The following NRXN1 variants were observed in gnomAD, a reference collection of about 807,000 sequenced individuals.
NRXN1 encodes the protein neurexin-1.
In NRXN1, 39 loss-of-function variants were observed where a neutral mutation model predicts 150.9. The ratio of observed to expected loss-of-function variants is 0.26; its 90% CI spans 0.20 to 0.34. The LOEUF (loss-of-function observed/expected upper bound fraction) is 0.34, where lower values mean the gene tolerates loss of function less well. Ranked by LOEUF, NRXN1 falls within the 10% of genes least tolerant of loss-of-function variation. The pLI is 1.00. For missense variants in NRXN1, 1,815 were observed against 1,949.9 expected (o/e 0.93, Z 1.30); for synonymous variants, 924 against 757.0 (o/e 1.22, Z -3.62).
chr2:50,606,267 A>AT, intron 8 of NRXN1, among the ~76,000 whole-genome samples: 1 of 151,296 alleles, frequency 6.6e-6, no homozygotes, highest in Non-Finnish European at 1.5e-5. Context: ...AAAAAAAAAA[A>AT]AAAAGAAGGA....
chr2:50,245,626 T>C (rs2066427355), intron 17 of NRXN1, among the ~76,000 whole-genome samples: 1 of 151,882 alleles, frequency 6.6e-6, no homozygotes, highest in Non-Finnish European at 1.5e-5. Flanking sequence ...TCGGTAGAAG[T>C]TGTAGTTGCC....
intron 2 of NRXN1, among the ~76,000 whole-genome samples, chr2:50,993,062 G>A (rs1698767214): frequency 6.6e-6 from 1 of 151,912 alleles, no homozygotes; most frequent in African/African-American, 2.4e-5. Context: ...GACATACAAA[G>A]AGTAGAATAA....
chr2:50,268,274 GAGA>G (rs1054328697), intron 17 of NRXN1, among the ~76,000 whole-genome samples: 6 of 152,150 alleles, frequency 3.9e-5, no homozygotes, highest in African/African-American at 1.4e-4. Context: ...GAATAAGAAA[GAGA>G]AGAAGCCAAT....
At chr2:50,246,559 G>A (rs7578867) in intron 17 of NRXN1, among the ~76,000 whole-genome samples, 86,493 of 151,610 alleles carry the variant, frequency 0.57, 25,179 homozygotes, top group African/African-American at 0.67. Flanking sequence ...CTAGGCCCTC[G>A]TCAAAACCAT....
intron 22 of NRXN1, among the ~76,000 whole-genome samples, chr2:49,924,434 T>C (rs2104040384): frequency 6.6e-6 from 1 of 152,310 alleles, no homozygotes; most frequent in Non-Finnish European, 1.5e-5. Context: ...GGAATTGATA[T>C]CGTAAATGGA....
chr2:50,061,487 T>C (rs1326713249), intron 19 of NRXN1, among the ~76,000 whole-genome samples: 1 of 152,180 alleles, frequency 6.6e-6, no homozygotes, highest in Admixed American at 6.5e-5. Context: ...CAAAACAAAG[T>C]TGAATCTTTC....
intron 8 of NRXN1, among the ~76,000 whole-genome samples, chr2:50,592,338 G>T (rs972565405): frequency 4.6e-5 from 7 of 152,358 alleles, no homozygotes; most frequent in Admixed American, 4.6e-4. Flanking sequence ...AACAGCCTGA[G>T]TAATAATAAA....
chr2:50,063,450 C>T (rs765406833), intron 19 of NRXN1, among the ~76,000 whole-genome samples: 43 of 151,344 alleles, frequency 2.8e-4, no homozygotes, highest in Non-Finnish European at 5.2e-4. Flanking sequence ...TTTTTCAATT[C>T]CTTTAGCTAA....
chr2:50,119,403 A>G lies in NRXN1; in HGVS notation c.3547-27909T>C, dbSNP rs186050483. Among the ~76,000 whole-genome samples, 34 of 152,268 alleles carry G rather than the reference A, an allele frequency of 2.2e-4. 1 individual carries two copies. In the East Asian group the frequency reaches 6.2e-3, roughly 28 times the overall value. The stretch of plus-strand genomic sequence containing the variant: ...TGTAAGGAGATACGTAAGTGTGGAT[A>G]TAGATTCTTCTAAAATGTCCTAAAA... On this transcript the variant is annotated intron_variant, in intron 18 of 22. Transcript: ENST00000401669.
rs548792604 is a variant in NRXN1, at chr2:50,807,009, A to G, written c.832+114860T>C. 5.3e-5 allele frequency among the ~76,000 whole-genome samples: 8 copies of G among 152,256 alleles called. No homozygotes were observed. The South Asian group carries it at 1.2e-3, about 24-fold the overall frequency. On this transcript the variant is annotated intron_variant, in intron 5 of 22. Transcript: ENST00000401669. ...TTGTGATTAATTTATTTTGCTTTATAAGAGGAATTCTGGGGGTAGCATACA... is the reference window on the plus strand; with the variant it reads ...TTGTGATTAATTTATTTTGCTTTATGAGAGGAATTCTGGGGGTAGCATACA...
intron 8 of NRXN1, among the ~76,000 whole-genome samples, chr2:50,593,045 C>T (rs1172681932): frequency 6.6e-6 from 1 of 152,186 alleles, no homozygotes; most frequent in Non-Finnish European, 1.5e-5. Flanking sequence ...CTTTCCTCTC[C>T]CTTCACCTTG....
intron 17 of NRXN1, among the ~76,000 whole-genome samples, chr2:50,424,081 G>A (rs568133031): frequency 1.4e-5 from 2 of 147,462 alleles, no homozygotes; most frequent in Non-Finnish European, 3.0e-5. Context: ...CTGAGCAAGA[G>A]AGCACCATGA....
intron 5 of NRXN1, among the ~76,000 whole-genome samples, chr2:50,780,562 T>G (rs539262075): frequency 1.1e-4 from 16 of 152,202 alleles, no homozygotes; most frequent in Non-Finnish European, 2.2e-4. Context: ...AATTCTAGGA[T>G]TCCAGTTACT....
intron 8 of NRXN1, among the ~76,000 whole-genome samples, chr2:50,555,239 T>G (rs1403239511): frequency 6.6e-6 from 1 of 152,170 alleles, no homozygotes; most frequent in Non-Finnish European, 1.5e-5. Flanking sequence ...CTAACACTCA[T>G]TCTTATAATA....
chr2:50,794,707 T>A (rs1040376260), intron 5 of NRXN1, among the ~76,000 whole-genome samples: 5 of 152,190 alleles, frequency 3.3e-5, no homozygotes, highest in Non-Finnish European at 5.9e-5. Flanking sequence ...AAAGTATGCA[T>A]ATTTTTAAAT....
chr2:51,019,892 G>A (rs758987926), intron 2 of NRXN1, among the ~76,000 whole-genome samples: 2 of 151,774 alleles, frequency 1.3e-5, no homozygotes, highest in South Asian at 4.1e-4. Context: ...TTCATAAATA[G>A]GTCTGCTCTC....
chr2:50,464,407 G>A lies in NRXN1; in HGVS notation c.3364+1035C>T, dbSNP rs545112124. 3 of 151,994 alleles carry A rather than the reference G, an allele frequency of 2.0e-5. No individual in the cohort carries two copies. The East Asian group carries it at 5.8e-4, about 30-fold the overall frequency. The allele number at this position is 151,994 out of a possible 1,614,324, so 9.4% of individuals were successfully genotyped here. A position where few individuals can be genotyped will look rare whatever the true frequency, so the allele number is the denominator to read the frequency against. ...TTTATTGCTAGGCTGCAACAACTCA[G>A]TTCAGAGGATTACTGTAGCTTTACC... is the stretch of plus-strand genomic sequence containing the variant. On this transcript the variant is annotated intron_variant, in intron 17 of 22. Coordinates refer to ENST00000401669, the MANE Select transcript of NRXN1 (RefSeq NM_001330078.2).
chr2:50,871,956 A>T (rs746810905), intron 5 of NRXN1, among the ~76,000 whole-genome samples: 1 of 151,958 alleles, frequency 6.6e-6, no homozygotes, highest in South Asian at 2.1e-4. Flanking sequence ...GGATATGCTT[A>T]TGTATTTTAA....
intron 17 of NRXN1, among the ~76,000 whole-genome samples, chr2:50,440,718 A>G (rs1445414374): frequency 6.6e-6 from 1 of 152,120 alleles, no homozygotes; most frequent in Non-Finnish European, 1.5e-5. Flanking sequence ...ATCACAAACA[A>G]TAATCTTATA....
Sources: gnomAD v4.1 joint callset for allele counts (sites outside exome capture counted in the v4.1 genomes callset) on GRCh38, gnomAD v4.1.1 for gene constraint, MANE v1.5 for transcripts, NCBI Gene and HGNC (gene_info 2026-07-23, HGNC 2026-07-21) for gene names.